SAMMSON: variants seen among roughly 807,000 people sequenced by gnomAD.
SAMMSON encodes survival associated mitochondrial melanoma specific oncogenic non-coding RNA.
intron 4 of SAMMSON, among the ~76,000 whole-genome samples, chr3:70,102,040 T>G (rs2067348453): frequency 6.6e-6 from 1 of 152,216 alleles, no homozygotes; most frequent in African/African-American, 2.4e-5. Context: ...TCCTTTGTGT[T>G]CTTGACTTAG....
chr3:70,433,168 C>A (rs112279970), intron 2 of SAMMSON, among the ~76,000 whole-genome samples: 1,771 of 152,150 alleles, frequency 0.012, 37 homozygotes, highest in African/African-American at 0.041. Flanking sequence ...CTCCTTTGGG[C>A]AAATACCAAG....
At chr3:70,319,272 T>C (rs989712564) in intron 7 of SAMMSON, among the ~76,000 whole-genome samples, 10 of 152,226 alleles carry the variant, frequency 6.6e-5, no homozygotes, top group African/African-American at 2.2e-4. Context: ...TCCTGCACTA[T>C]ATTAGGAAAA....
At chr3:70,032,229 T>G (rs2067068749) in intron 3 of SAMMSON, among the ~76,000 whole-genome samples, 1 of 152,134 alleles carries the variant, frequency 6.6e-6, no homozygotes, top group African/African-American at 2.4e-5. Context: ...TTGTATTGAA[T>G]TTATGTCAGA....
intron 2 of SAMMSON, among the ~76,000 whole-genome samples, chr3:70,401,260 A>G (rs143918682): frequency 3.3e-5 from 5 of 152,348 alleles, no homozygotes; most frequent in African/African-American, 1.2e-4. Flanking sequence ...TAATAAAGAT[A>G]GAAGAGTTAA....
intron 3 of SAMMSON, chr3:70,068,284 C>T (rs1281430615): frequency 1.3e-5 from 2 of 151,944 alleles, no homozygotes; most frequent in Non-Finnish European, 2.9e-5. Flanking sequence ...TTTCTGAGAC[C>T]ACAAGATATT....
rs192344154 is a variant in SAMMSON at position 70,141,197 on chromosome 3, C to G, written n.507+69632C>G. On this transcript the variant is annotated intron_variant and non_coding_transcript_variant, in intron 4 of 9. Transcript: ENST00000642114. ...TCCAGAGAAAAAGAACTAATAAGAT[C>G]TATGTACATATAAATATTTATTATG... is the stretch of plus-strand genomic sequence containing the variant. Among the ~76,000 whole-genome samples, 4 of 152,238 alleles carry G rather than the reference C, an allele frequency of 2.6e-5. No homozygotes were observed. The East Asian group carries it at 5.8e-4, about 22-fold the overall frequency.
chr3:70,112,935 C>T (rs2106661847), intron 4 of SAMMSON, among the ~76,000 whole-genome samples: 1 of 152,228 alleles, frequency 6.6e-6, no homozygotes, highest in East Asian at 1.9e-4. Context: ...CTCACAGGAA[C>T]ATATTTTGGA....
chr3:70,059,150 A>G (rs779824007), intron 3 of SAMMSON, among the ~76,000 whole-genome samples: 2 of 152,142 alleles, frequency 1.3e-5, no homozygotes, highest in African/African-American at 2.4e-5. Context: ...AGAGCTTTAT[A>G]TGTATTATTT....
At chr3:70,084,210 C>T (rs1183401196) in intron 4 of SAMMSON, among the ~76,000 whole-genome samples, 2 of 152,126 alleles carry the variant, frequency 1.3e-5, no homozygotes, top group Non-Finnish European at 2.9e-5. Flanking sequence ...TGGGAGTGCC[C>T]TCAGGAACTC....
intron 9 of SAMMSON, among the ~76,000 whole-genome samples, chr3:70,385,667 C>T (rs373322308): frequency 5.3e-5 from 8 of 152,094 alleles, no homozygotes; most frequent in East Asian, 1.9e-4. Flanking sequence ...TTTTGACTAA[C>T]GGCATGACCT....
At chr3:70,020,957 A>C (rs1282055042) in intron 3 of SAMMSON, among the ~76,000 whole-genome samples, 1 of 152,208 alleles carries the variant, frequency 6.6e-6, no homozygotes, top group South Asian at 2.1e-4. Flanking sequence ...AAGTTCTGAA[A>C]GTGTTGGTAA....
intron 3 of SAMMSON, among the ~76,000 whole-genome samples, chr3:70,022,673 A>G (rs2067020660): frequency 6.6e-6 from 1 of 152,150 alleles, no homozygotes; most frequent in African/African-American, 2.4e-5. Context: ...GCATCTTACC[A>G]TTTCACCATG....
chr3:70,109,324 CCTCTT>C (rs2106659762), intron 4 of SAMMSON, among the ~76,000 whole-genome samples: 1 of 152,248 alleles, frequency 6.6e-6, no homozygotes, highest in Non-Finnish European at 1.5e-5. Context: ...CCGGAGCTCT[CCTCTT>C]CTCTCAGTCA....
intron 4 of SAMMSON, among the ~76,000 whole-genome samples, chr3:70,164,402 A>G (rs1171769383): frequency 6.6e-6 from 1 of 152,056 alleles, no homozygotes; most frequent in African/African-American, 2.4e-5. Flanking sequence ...AGAGAACAAT[A>G]TAAAATTTCA....
At chr3:70,364,409 C>T (rs1456286672) in intron 9 of SAMMSON, among the ~76,000 whole-genome samples, 1 of 151,906 alleles carries the variant, frequency 6.6e-6, no homozygotes, top group African/African-American at 2.4e-5. Context: ...AGATGCTGCT[C>T]AACAAAGCTC....
At chr3:70,310,288 C>T (rs1702442499) in intron 7 of SAMMSON, among the ~76,000 whole-genome samples, 1 of 151,864 alleles carries the variant, frequency 6.6e-6, no homozygotes, top group Admixed American at 6.6e-5. Flanking sequence ...ATTAAAATTG[C>T]TTGGTGGGGA....
chr3:70,327,927 C>T (rs1411523569), intron 7 of SAMMSON, among the ~76,000 whole-genome samples: 1 of 152,172 alleles, frequency 6.6e-6, no homozygotes, highest in Non-Finnish European at 1.5e-5. Flanking sequence ...TCCGTTTTCA[C>T]ACTGCTGATA....
At chr3:70,245,692 T>C (rs1043625310) in intron 4 of SAMMSON, among the ~76,000 whole-genome samples, 4 of 135,766 alleles carry the variant, frequency 2.9e-5, no homozygotes, top group African/African-American at 5.3e-5. Context: ...TATATATATA[T>C]ATATATATAT....
intron 6 of SAMMSON, among the ~76,000 whole-genome samples, chr3:70,251,083 A>G (rs1701762301): frequency 6.6e-6 from 1 of 152,112 alleles, no homozygotes; most frequent in South Asian, 2.1e-4. Flanking sequence ...ATTAAACCAA[A>G]CTCGTAATAC....
Sources: allele counts gnomAD v4.1 joint callset (sites outside exome capture counted in the v4.1 genomes callset), GRCh38; gene constraint gnomAD v4.1.1; transcripts MANE v1.5; gene names NCBI Gene and HGNC (gene_info 2026-07-23, HGNC 2026-07-21).